Variants in WWP2 observed in about 807,000 individuals in gnomAD.
The protein encoded by WWP2 is WW domain containing E3 ubiquitin protein ligase 2.
A neutral mutation model predicts 121.0 loss-of-function variants in WWP2; 57 were observed. The observed-to-expected ratio is 0.47, with a 90% confidence interval of 0.38 to 0.59. The LOEUF is 0.59. WWP2 is among the 20% of genes least tolerant of loss of function. WWP2 has a pLI of 0.00. For missense variants in WWP2, 962 were observed against 1,158.9 expected (o/e 0.83, Z 2.47); for synonymous variants, 449 against 441.3 (o/e 1.02, Z -0.22).
At chr16:69,777,313 T>A (rs1282022182) in intron 1 of WWP2, among the ~76,000 whole-genome samples, 1 of 152,080 alleles carries the variant, frequency 6.6e-6, no homozygotes, top group Non-Finnish European at 1.5e-5. Flanking sequence ...TATTTTCTTT[T>A]TTTTTGAAAC....
intron 6 of WWP2, among the ~76,000 whole-genome samples, chr16:69,845,658 G>A (rs2057059385): frequency 6.6e-6 from 1 of 151,936 alleles, no homozygotes; most frequent in African/African-American, 2.4e-5. Context: ...TATCTGAGGG[G>A]TTCATTCGTC....
intron 2 of WWP2, among the ~76,000 whole-genome samples, chr16:69,793,073 C>G (rs1010946338): frequency 6.6e-6 from 1 of 152,248 alleles, no homozygotes; most frequent in Middle Eastern, 3.4e-3. Context: ...AATAAATTCA[C>G]TGCTGGGCGC....
At chr16:69,852,439 T>C (rs1315482240) in intron 6 of WWP2, among the ~76,000 whole-genome samples, 4 of 152,110 alleles carry the variant, frequency 2.6e-5, no homozygotes, top group Non-Finnish European at 5.9e-5. Flanking sequence ...GCCCAGCTAA[T>C]TTTTTTGTAT....
At chr16:69,890,638 C>T (rs553872997) in intron 8 of WWP2, among the ~76,000 whole-genome samples, 4 of 152,132 alleles carry the variant, frequency 2.6e-5, no homozygotes, top group Non-Finnish European at 4.4e-5. Flanking sequence ...TGAGCGAATG[C>T]CTGGAAGGCC....
At chr16:69,773,095 C>G (rs113235193) in intron 1 of WWP2, among the ~76,000 whole-genome samples, 1 of 151,960 alleles carries the variant, frequency 6.6e-6, no homozygotes, top group Non-Finnish European at 1.5e-5. Context: ...TCTGGGAAGA[C>G]GCTAGTGTCG....
At chr16:69,790,515 G>A (rs1186954624) in intron 2 of WWP2, among the ~76,000 whole-genome samples, 3 of 152,094 alleles carry the variant, frequency 2.0e-5, no homozygotes, top group Admixed American at 6.6e-5. Flanking sequence ...CCATGTAAAA[G>A]TGGACCCTTG....
At chr16:69,879,523 T>G (rs751473066) in intron 7 of WWP2, among the ~76,000 whole-genome samples, 4 of 152,246 alleles carry the variant, frequency 2.6e-5, no homozygotes, top group Non-Finnish European at 5.9e-5. Flanking sequence ...CATTTTTGAT[T>G]CATCCATGTT....
intron 6 of WWP2, among the ~76,000 whole-genome samples, chr16:69,865,475 A>G (rs2057504159): frequency 6.6e-6 from 1 of 152,214 alleles, no homozygotes; most frequent in Non-Finnish European, 1.5e-5. Context: ...AAAGTCACAA[A>G]CTCTATAAAT....
At chr16:69,939,752 C>T (rs4985461) in intron 23 of WWP2, 89 bp from the exon 24 acceptor site, 6 of 1,225,356 alleles carry the variant, frequency 4.9e-6, no homozygotes, top group Admixed American at 2.1e-5. Context: ...GTGGTGCAAG[C>T]CCTGTGGCCC....
At chr16:69,883,328 G>T (rs1178001932) in intron 7 of WWP2, among the ~76,000 whole-genome samples, 1 of 151,840 alleles carries the variant, frequency 6.6e-6, no homozygotes, top group African/African-American at 2.4e-5. Flanking sequence ...CTTAATTTCT[G>T]CTGACTATGA....
intron 1 of WWP2, among the ~76,000 whole-genome samples, chr16:69,774,051 T>G (rs2055473521): frequency 6.6e-6 from 1 of 152,082 alleles, no homozygotes; most frequent in South Asian, 2.1e-4. Flanking sequence ...AGTGTTGTTT[T>G]TTTTTAATGC....
intron 8 of WWP2, among the ~76,000 whole-genome samples, chr16:69,896,007 A>G (rs1471927290): frequency 6.6e-6 from 1 of 152,204 alleles, no homozygotes; most frequent in Non-Finnish European, 1.5e-5. Context: ...TCACCATCTC[A>G]GAACTTAAAC....
In WWP2 at chr16:69,937,053, CTG is replaced by C; in HGVS notation, c.2118-64_2118-63del. On this transcript the variant is annotated intron_variant, in intron 19 of 23. Transcript: ENST00000359154. This position sits in a 1 kb window ranked among gnomAD's most constrained non-coding sequence, Gnocchi z 6.6. ...TCCTGCGCGGTAACGGCCACGCGGC[CTG>C]GCCGGGAGCCACCCCTGAGCAGTGG... 1 of 1,579,080 alleles carries C rather than the reference CTG, an allele frequency of 6.3e-7. No individual in the cohort carries two copies. The highest frequency in any genetic ancestry group is 8.6e-7 in the Non-Finnish European group (1 of 1,159,842).
At chr16:69,843,959 TTA>T (rs2057024303) in intron 6 of WWP2, among the ~76,000 whole-genome samples, 1 of 152,226 alleles carries the variant, frequency 6.6e-6, no homozygotes, top group Admixed American at 6.5e-5. Flanking sequence ...CCGCAGCATC[TTA>T]AAAGATCCCT....
At chr16:69,848,405 G>C (rs770384015) in intron 6 of WWP2, among the ~76,000 whole-genome samples, 1 of 151,720 alleles carries the variant, frequency 6.6e-6, no homozygotes, top group Non-Finnish European at 1.5e-5. Flanking sequence ...AGCCCAGATC[G>C]TGCCATTGCA....
chr16:69,801,357 C>A lies in WWP2; in HGVS notation c.340+2062C>A, dbSNP rs538785610. Among the ~76,000 whole-genome samples, 654 of 151,054 alleles carry A rather than the reference C, an allele frequency of 4.3e-3. 3 individuals carry two copies. Among genetic ancestry groups the A allele is most frequent in the Admixed American group, 6.7e-3 (101 of 15,180 alleles). On this transcript the variant is annotated intron_variant, in intron 4 of 23. Transcript: ENST00000359154. Reference sequence around the variant, plus strand: ...GTGATCCTCCCACCTCAGCCCCCACCCCTAGTAGCTGGGACTACAGGCACA... The same window carrying A: ...GTGATCCTCCCACCTCAGCCCCCACACCTAGTAGCTGGGACTACAGGCACA...
intron 9 of WWP2, chr16:69,910,222 C>A (rs924444053): frequency 9.4e-6 from 3 of 317,918 alleles, no homozygotes; most frequent in African/African-American, 4.6e-5. Context: ...AAAACATATT[C>A]TTTTATTCAA....
intron 4 of WWP2, among the ~76,000 whole-genome samples, chr16:69,832,798 C>G (rs2056815904): frequency 6.6e-6 from 1 of 152,200 alleles, no homozygotes. Context: ...CTGCCTTGGC[C>G]TCCCAAAGTG....
At chr16:69,862,237 G>A (rs139088282) in intron 6 of WWP2, among the ~76,000 whole-genome samples, 1 of 151,916 alleles carries the variant, frequency 6.6e-6, no homozygotes, top group African/African-American at 2.4e-5. Context: ...GGCTAATTTT[G>A]TATTTTTAGT....
Sources: allele counts gnomAD v4.1 joint callset (sites outside exome capture counted in the v4.1 genomes callset), GRCh38; gene constraint gnomAD v4.1.1; non-coding constraint Gnocchi (gnomAD v3.1); transcripts MANE v1.5; gene names NCBI Gene and HGNC (gene_info 2026-07-23, HGNC 2026-07-21).